UBE2H: variants seen among roughly 807,000 people sequenced by gnomAD.
UBE2H encodes the protein ubiquitin conjugating enzyme E2 H.
In UBE2H, 3 loss-of-function variants were observed where a neutral mutation model predicts 29.0. That is an observed-to-expected ratio of 0.10 (90% CI 0.05 to 0.27). The LOEUF (loss-of-function observed/expected upper bound fraction) is 0.27, where lower values mean the gene tolerates loss of function less well. Among genes scored for constraint, UBE2H ranks in the 10% least tolerant of loss-of-function variants. UBE2H has a pLI of 1.00. For missense variants in UBE2H, 68 were observed against 228.2 expected, an observed-to-expected ratio of 0.30 and a Z score of 4.52; for synonymous variants, 69 against 82.9, an observed-to-expected ratio of 0.83 and a Z score of 0.91.
chr7:129,884,030 A>C (rs545322308), intron 1 of UBE2H, among the ~76,000 whole-genome samples: 1 of 152,276 alleles, frequency 6.6e-6, no homozygotes, highest in East Asian at 1.9e-4. Flanking sequence ...CAGGAGGCAG[A>C]GGTTGCAGTG....
At chr7:129,850,897 G>GAGAA (rs1205194320) in intron 5 of UBE2H, among the ~76,000 whole-genome samples, 5 of 151,592 alleles carry the variant, frequency 3.3e-5, no homozygotes, top group African/African-American at 4.9e-5. Context: ...AGGAGAGAGA[G>GAGAA]AGAAAGAAAG....
chr7:129,917,451 T>C (rs2116461568), intron 1 of UBE2H, among the ~76,000 whole-genome samples: 1 of 152,198 alleles, frequency 6.6e-6, no homozygotes, highest in Middle Eastern at 3.4e-3. Flanking sequence ...TGCAGATGTG[T>C]GTGTGCCTGC....
chr7:129,847,389 T>G (rs962229614), intron 5 of UBE2H, among the ~76,000 whole-genome samples: 1 of 152,190 alleles, frequency 6.6e-6, no homozygotes, highest in African/African-American at 2.4e-5. Flanking sequence ...GGCTTGTACC[T>G]GTAATCCCAG....
intron 1 of UBE2H, among the ~76,000 whole-genome samples, chr7:129,925,596 A>G (rs1046414269): frequency 6.6e-6 from 1 of 152,210 alleles, no homozygotes; most frequent in Non-Finnish European, 1.5e-5. Flanking sequence ...GGGCAGTCAA[A>G]GAGCCTTGTT....
chr7:129,854,294 G>C (rs1012119423), intron 5 of UBE2H, among the ~76,000 whole-genome samples: 1 of 152,074 alleles, frequency 6.6e-6, no homozygotes, highest in Admixed American at 6.6e-5. Flanking sequence ...TATTCTACCA[G>C]TACTTTATAT....
At chr7:129,912,378 A>G (rs1806954621) in intron 1 of UBE2H, among the ~76,000 whole-genome samples, 2 of 152,084 alleles carry the variant, frequency 1.3e-5, no homozygotes, top group African/African-American at 4.8e-5. Flanking sequence ...CATGAAATTC[A>G]TTTACATTTC....
intron 5 of UBE2H, among the ~76,000 whole-genome samples, chr7:129,840,942 G>A (rs1176387431): frequency 6.6e-6 from 1 of 152,124 alleles, no homozygotes; most frequent in Non-Finnish European, 1.5e-5. Context: ...ATGGAATTTG[G>A]CAATGTCTAG....
chr7:129,857,894 C>T (rs1805734450), intron 4 of UBE2H, among the ~76,000 whole-genome samples: 1 of 152,164 alleles, frequency 6.6e-6, no homozygotes, highest in Non-Finnish European at 1.5e-5. Flanking sequence ...GTTTTCTGGC[C>T]TTAAGTGTGT....
Position 129,834,781 on chromosome 7 carries a change from C to G in UBE2H, c.*156G>C, listed in dbSNP as rs576583143. Reference sequence around the variant, plus strand: ...TGAGAAATGACCAAGAAATCAAGATCTAAAGGGTGATATATAATATATATA... The same window carrying G: ...TGAGAAATGACCAAGAAATCAAGATGTAAAGGGTGATATATAATATATATA... On this transcript the variant is annotated 3_prime_UTR_variant, in exon 7 of 7. Transcript: ENST00000355621. 2 of 866,316 alleles carry G rather than the reference C, an allele frequency of 2.3e-6. No individual in the cohort carries two copies. Among genetic ancestry groups the G allele is most frequent in the South Asian group, 4.4e-5 (2 of 45,194 alleles). The allele number at this position is 866,316 out of a possible 1,614,324, so 53.7% of individuals were successfully genotyped here. A position where few individuals can be genotyped will look rare whatever the true frequency, so the allele number is the denominator to read the frequency against.
At chr7:129,939,476 A>T (rs2116513646) in intron 1 of UBE2H, among the ~76,000 whole-genome samples, 1 of 152,358 alleles carries the variant, frequency 6.6e-6, no homozygotes, top group Middle Eastern at 3.4e-3. Context: ...GGTAGTAAAC[A>T]TCCAGCAGTA....
At chr7:129,864,556 C>CTTTCT (rs1554432162) in intron 3 of UBE2H, among the ~76,000 whole-genome samples, 1 of 130,976 alleles carries the variant, frequency 7.6e-6, no homozygotes, top group East Asian at 2.3e-4. Flanking sequence ...TCTTTTCTTT[C>CTTTCT]TTTTTTTTTT....
intron 1 of UBE2H, among the ~76,000 whole-genome samples, chr7:129,920,846 G>T (rs199733394): frequency 2.5e-4 from 4 of 15,788 alleles, no homozygotes; most frequent in East Asian, 1.2e-3. Flanking sequence ...ACTAGAAAAA[G>T]TCAAAAAAAA....
chr7:129,863,808 G>GTTTTTTTTTTTCTTTTTT (rs1554432032), intron 3 of UBE2H, among the ~76,000 whole-genome samples: 1 of 136,040 alleles, frequency 7.4e-6, no homozygotes, highest in Non-Finnish European at 1.6e-5. Context: ...AATACTAGGT[G>GTTTTTTTTTTTCTTTTTT]TTTTTTTTTT....
intron 1 of UBE2H, among the ~76,000 whole-genome samples, chr7:129,913,079 C>T (rs1292300904): frequency 6.6e-6 from 1 of 151,920 alleles, no homozygotes; most frequent in South Asian, 2.1e-4. Flanking sequence ...AGTGAAACCT[C>T]GTCTCTACTA....
intron 3 of UBE2H, among the ~76,000 whole-genome samples, chr7:129,862,727 G>C (rs1805825661): frequency 6.6e-6 from 1 of 152,176 alleles, no homozygotes; most frequent in South Asian, 2.1e-4. Flanking sequence ...ATTTGAAAAA[G>C]GGGCAGAAAA....
intron 1 of UBE2H, among the ~76,000 whole-genome samples, chr7:129,907,446 C>T (rs955029043): frequency 3.3e-5 from 5 of 152,164 alleles, no homozygotes; most frequent in Admixed American, 6.5e-5. Flanking sequence ...GGCACAGATG[C>T]AGCAACTGTG....
intron 1 of UBE2H, among the ~76,000 whole-genome samples, chr7:129,951,487 C>CAA (rs35808448): frequency 2.8e-5 from 4 of 145,416 alleles, no homozygotes; most frequent in African/African-American, 5.1e-5. Flanking sequence ...AACTACCCTT[C>CAA]AAAAAAAAAA....
intron 1 of UBE2H, among the ~76,000 whole-genome samples, chr7:129,888,329 GGCT>G (rs1256820963): frequency 5.3e-5 from 8 of 152,220 alleles, no homozygotes; most frequent in African/African-American, 1.7e-4. Flanking sequence ...ATGGGAAGTG[GGCT>G]GCTATCAGTG....
chr7:129,866,360 C>A (rs1805904695), intron 3 of UBE2H, among the ~76,000 whole-genome samples: 1 of 152,170 alleles, frequency 6.6e-6, no homozygotes, highest in Admixed American at 6.5e-5. Flanking sequence ...AATAGCATAA[C>A]CCTTCTACCA....
Sources: gnomAD v4.1 joint callset for allele counts (sites outside exome capture counted in the v4.1 genomes callset) on GRCh38, gnomAD v4.1.1 for gene constraint, MANE v1.5 for transcripts, NCBI Gene and HGNC (gene_info 2026-07-23, HGNC 2026-07-21) for gene names.